RPA3: variants seen among roughly 807,000 people sequenced by gnomAD.
RPA3 encodes the protein replication protein A 14 kDa subunit.
RPA3 carries 24 observed loss-of-function variants against 13.7 expected under a neutral mutation model. The ratio of observed to expected loss-of-function variants is 1.75; its 90% CI spans 1.27 to 2.46. RPA3 has a LOEUF of 2.46. Among genes scored for constraint, RPA3 ranks in the 30% most tolerant of loss-of-function variants. The pLI is 0.00. For missense variants in RPA3, 183 were observed against 151.0 expected (o/e 1.21, Z -1.11); for synonymous variants, 59 against 51.2 (o/e 1.15, Z -0.65).
At chr7:7,699,905 A>T (rs1309003553) in intron 2 of RPA3, among the ~76,000 whole-genome samples, 2 of 152,238 alleles carry the variant, frequency 1.3e-5, no homozygotes, top group Non-Finnish European at 1.5e-5. Context: ...TGTTTTGTTT[A>T]TTCATAGATT....
chr7:7,688,978 T>C (rs1271483462), intron 2 of RPA3, among the ~76,000 whole-genome samples: 4 of 152,216 alleles, frequency 2.6e-5, no homozygotes, highest in Non-Finnish European at 5.9e-5. Context: ...TATTTAGTTA[T>C]ATAAATGCAA....
chr7:7,696,250 C>G (rs1255449996), intron 2 of RPA3, among the ~76,000 whole-genome samples: 1 of 150,776 alleles, frequency 6.6e-6, no homozygotes, highest in Non-Finnish European at 1.5e-5. Flanking sequence ...TCCTTGAACT[C>G]ATACAAGACT....
chr7:7,689,501 T>C (rs1780122638), intron 2 of RPA3: 1 of 152,170 alleles, frequency 6.6e-6, no homozygotes, highest in Non-Finnish European at 1.5e-5. Flanking sequence ...AAGCCACTTT[T>C]AGCTAGGTTT....
intron 4 of RPA3, among the ~76,000 whole-genome samples, chr7:7,671,114 C>T (rs1052006097): frequency 6.6e-6 from 1 of 152,192 alleles, no homozygotes; most frequent in Non-Finnish European, 1.5e-5. Context: ...ATTCAATAAT[C>T]ATATTACTCT....
At position 7,655,079 on chromosome 7, in the gene RPA3, A is replaced by G. The variant is rs535974711; in HGVS notation, c.-757-13904T>C. ...TGCTATGCTAGCAGGATTTACTGTT[A>G]TAGTAACAGCAATGATTCCAGACAG... On this transcript the variant is annotated intron_variant, in intron 4 of 7. Coordinates refer to ENST00000223129, the MANE Select transcript of RPA3 (RefSeq NM_002947.5). 1.2e-4 allele frequency among the ~76,000 whole-genome samples: 19 copies of G among 152,240 alleles called. 1 individual carries two copies. In the South Asian group the frequency reaches 3.9e-3, roughly 32 times the overall value.
chr7:7,692,244 G>C (rs1403484997), intron 2 of RPA3: 1 of 152,266 alleles, frequency 6.6e-6, no homozygotes, highest in African/African-American at 2.4e-5. Flanking sequence ...GGGAGGTATA[G>C]TCTAGTCCTC....
chr7:7,637,950 A>T lies in RPA3; in HGVS notation c.197T>A (p.Ile66Asn). The T allele has an allele frequency of 6.2e-7, 1 of 1,613,430 alleles. No individual in the cohort carries two copies. The highest frequency in any genetic ancestry group is 1.1e-5 in the South Asian group (1 of 91,064). Residue 66 changes from isoleucine to asparagine, a missense_variant, in exon 7 of 8, where the codon ATT (isoleucine) becomes AAT (asparagine). Physicochemically the swap from Ile to Asn is moderately radical, Grantham distance 149. Coordinates refer to ENST00000223129, the MANE Select transcript of RPA3 (RefSeq NM_002947.5). ...GGTTACTCTTCCAACCACTTCCACA[A>T]TTCCAGAGATTTCTTCATCAAGCTA... is the stretch of plus-strand genomic sequence containing the variant. ...MEPLDEEISG[I>N]VEVVGRVTAK...
At chr7:7,652,570 C>T (rs927442635) in intron 4 of RPA3, among the ~76,000 whole-genome samples, 12 of 152,092 alleles carry the variant, frequency 7.9e-5, no homozygotes, top group Non-Finnish European at 1.3e-4. Context: ...TTGCTTTGTG[C>T]CCATTGACAT....
At chr7:7,708,731 G>A (rs565321832) in intron 2 of RPA3, among the ~76,000 whole-genome samples, 2 of 152,170 alleles carry the variant, frequency 1.3e-5, no homozygotes, top group South Asian at 2.1e-4. Context: ...TGACTGAAAC[G>A]AGCAACTATG....
intron 1 of RPA3, among the ~76,000 whole-genome samples, chr7:7,716,320 A>G (rs1465316089): frequency 6.6e-6 from 1 of 152,264 alleles, no homozygotes; most frequent in Non-Finnish European, 1.5e-5. Flanking sequence ...CTTCAAAGTG[A>G]TACAGGAGCT....
intron 2 of RPA3, among the ~76,000 whole-genome samples, chr7:7,703,207 T>C (rs1455940616): frequency 1.3e-5 from 2 of 152,224 alleles, no homozygotes; most frequent in African/African-American, 4.8e-5. Context: ...ACTTGATGTT[T>C]GTACTCTTTT....
rs547268103 is a variant in RPA3, at chr7:7,713,300, C to T, written c.-1028+1875G>A. On this transcript the variant is annotated intron_variant, in intron 2 of 7. Transcript: ENST00000223129. ...CGGAGGTTGTGGTGAGCTGAGATTGCGCCACTGCACTCCAGCCTGGGTGAC... is the reference window on the plus strand; with the variant it reads ...CGGAGGTTGTGGTGAGCTGAGATTGTGCCACTGCACTCCAGCCTGGGTGAC... Among the ~76,000 whole-genome samples, 9 of 152,016 alleles carry T rather than the reference C, an allele frequency of 5.9e-5. 1 individual carries two copies. Among genetic ancestry groups the T allele is most frequent in the South Asian group, 2.1e-4 (1 of 4,814 alleles).
intron 4 of RPA3, among the ~76,000 whole-genome samples, chr7:7,647,074 C>T (rs1368796048): frequency 2.6e-5 from 4 of 152,166 alleles, no homozygotes; most frequent in African/African-American, 9.7e-5. Flanking sequence ...CAAGATTGTA[C>T]ATAAAACTGA....
intron 1 of RPA3, 102 bp from the exon 2 acceptor site, chr7:7,715,328 G>A (rs1780873759): frequency 8.3e-6 from 1 of 121,200 alleles, no homozygotes; most frequent in South Asian, 2.6e-4. Flanking sequence ...AGTAGCAGAA[G>A]AGTTGACCAT....
intron 4 of RPA3, among the ~76,000 whole-genome samples, chr7:7,669,306 G>GTT (rs1779548065): frequency 1.3e-5 from 2 of 152,136 alleles, no homozygotes; most frequent in African/African-American, 4.8e-5. Flanking sequence ...AATGTTAGTG[G>GTT]CATTTGTAGT....
At chr7:7,689,563 T>C (rs952061454) in intron 2 of RPA3, 2 of 152,230 alleles carry the variant, frequency 1.3e-5, no homozygotes, top group Admixed American at 6.5e-5. Flanking sequence ...GATGTGCTTA[T>C]AATGCTATCT....
chr7:7,644,748 C>G (rs964096551), intron 4 of RPA3, among the ~76,000 whole-genome samples: 1 of 152,110 alleles, frequency 6.6e-6, no homozygotes, highest in Admixed American at 6.5e-5. Flanking sequence ...AATAGTGTAG[C>G]TTATCATAAC....
chr7:7,677,940 T>A (rs1779790509), intron 4 of RPA3, among the ~76,000 whole-genome samples: 1 of 152,004 alleles, frequency 6.6e-6, no homozygotes, highest in Admixed American at 6.5e-5. Context: ...CCCAAAGTGC[T>A]GGGATTACAG....
At chr7:7,638,003 G>A (rs766206662) in intron 6 of RPA3, 31 bp from the exon 7 acceptor site, 1 of 1,537,628 alleles carries the variant, frequency 6.5e-7, no homozygotes, top group South Asian at 1.1e-5. Flanking sequence ...TCGATTTGGT[G>A]ATATCACATT....
Sources: allele counts gnomAD v4.1 joint callset (sites outside exome capture counted in the v4.1 genomes callset), GRCh38; gene constraint gnomAD v4.1.1; transcripts MANE v1.5; gene names NCBI Gene and HGNC (gene_info 2026-07-23, HGNC 2026-07-21).